The following FAM171B variants were observed in gnomAD, a reference collection of about 807,000 sequenced individuals.
FAM171B encodes family with sequence similarity 171 member B.
A neutral mutation model predicts 75.6 loss-of-function variants in FAM171B; 19 were observed. The observed-to-expected ratio is 0.25, with a 90% CI of 0.18 to 0.37. FAM171B has a LOEUF of 0.37. Among genes scored for constraint, FAM171B ranks in the 10% least tolerant of loss-of-function variants. The pLI is 1.00. For synonymous variants in FAM171B, 367 were observed against 361.7 expected (o/e 1.01, Z -0.17); for missense variants, 848 against 982.4 (o/e 0.86, Z 1.83).
At chr2:186,753,900 A>G in intron 5 of FAM171B, 33 bp from the exon 6 acceptor site, 2 of 1,528,148 alleles carry the variant, frequency 1.3e-6, no homozygotes, top group Non-Finnish European at 1.8e-6. Flanking sequence ...TTAAGATATA[A>G]CTGTAACAAG....
Position 186,755,440 on chromosome 2 carries a change from C to G in FAM171B, c.1012+1391C>G, listed in dbSNP as rs527893829. On this transcript the variant is annotated intron_variant, in intron 6 of 7. Transcript: ENST00000304698. ...TATATCATCATCTTCAGTCATTTTTCAGAGATAATTCTTTTGGTTTATCAA... is the reference window on the plus strand; with the variant it reads ...TATATCATCATCTTCAGTCATTTTTGAGAGATAATTCTTTTGGTTTATCAA... Among the ~76,000 whole-genome samples, 9 of 152,242 alleles carry G rather than the reference C, an allele frequency of 5.9e-5. No homozygotes were observed. In the South Asian group the frequency reaches 1.9e-3, roughly 32 times the overall value.
chr2:186,711,604 C>T (rs1161754451), intron 1 of FAM171B, among the ~76,000 whole-genome samples: 1 of 152,150 alleles, frequency 6.6e-6, no homozygotes, highest in Non-Finnish European at 1.5e-5. Context: ...CTTCCCCTGG[C>T]CTGCTTATAT....
chr2:186,761,248 G>T lies in FAM171B; in HGVS notation c.1136+12G>T. ...CTTTGTTATTGCAGGTAAGAAAATG[G>T]CTATAAACACAGAAAACTATCAAGT... On this transcript the variant is annotated intron_variant, in intron 7 of 7. Transcript: ENST00000304698. 6.2e-7 allele frequency: 1 copy of T among 1,610,650 alleles called. No homozygotes were observed. Among genetic ancestry groups the T allele is most frequent in the East Asian group, 2.2e-5 (1 of 44,760 alleles).
intron 1 of FAM171B, among the ~76,000 whole-genome samples, chr2:186,710,430 T>C (rs1013629742): frequency 6.6e-6 from 1 of 152,250 alleles, no homozygotes; most frequent in Admixed American, 6.5e-5. Flanking sequence ...CTTTAGACCT[T>C]ATTTATTTCC....
chr2:186,724,870 G>A (rs1036598233), intron 1 of FAM171B, among the ~76,000 whole-genome samples: 5 of 152,186 alleles, frequency 3.3e-5, no homozygotes, highest in Admixed American at 6.5e-5. Context: ...CTCAGAAAAG[G>A]ACATTGAGTG....
intron 1 of FAM171B, among the ~76,000 whole-genome samples, chr2:186,730,048 G>A (rs1271699436): frequency 6.6e-6 from 1 of 152,068 alleles, no homozygotes; most frequent in Non-Finnish European, 1.5e-5. Flanking sequence ...TGCAACCTCC[G>A]CCTCTGGGTT....
chr2:186,736,567 G>GTGTGTGGGAGA (rs55683607), intron 1 of FAM171B, among the ~76,000 whole-genome samples: 25 of 104,628 alleles, frequency 2.4e-4, no homozygotes, highest in East Asian at 1.3e-3. Flanking sequence ...TGTGTGTGTG[G>GTGTGTGGGAGA]GAGAGAGAGA....
intron 1 of FAM171B, among the ~76,000 whole-genome samples, chr2:186,699,042 G>A (rs1689619186): frequency 6.6e-6 from 1 of 152,088 alleles, no homozygotes; most frequent in Admixed American, 6.6e-5. Flanking sequence ...TGGACACTTA[G>A]GTTGCTTCCA....
At chr2:186,707,299 C>G (rs1436323082) in intron 1 of FAM171B, among the ~76,000 whole-genome samples, 1 of 152,174 alleles carries the variant, frequency 6.6e-6, no homozygotes, top group Non-Finnish European at 1.5e-5. Context: ...TAGCTCTACA[C>G]TCCTCTTCAT....
At chr2:186,712,739 A>C (rs376269321) in intron 1 of FAM171B, among the ~76,000 whole-genome samples, 1 of 152,226 alleles carries the variant, frequency 6.6e-6, no homozygotes, top group East Asian at 1.9e-4. Context: ...TTTTTGGTCC[A>C]TGATGATAAT....
At chr2:186,758,543 A>G (rs1012595170) in intron 6 of FAM171B, among the ~76,000 whole-genome samples, 3 of 152,134 alleles carry the variant, frequency 2.0e-5, no homozygotes, top group Admixed American at 2.0e-4. Context: ...CCCTGAATAC[A>G]TATTAGAATG....
At chr2:186,741,588 A>G (rs1216383299) in intron 2 of FAM171B, among the ~76,000 whole-genome samples, 1 of 152,190 alleles carries the variant, frequency 6.6e-6, no homozygotes, top group African/African-American at 2.4e-5. Context: ...ACATGCTTTA[A>G]TAATCTAAGA....
chr2:186,750,966 AT>A (rs1354048588), intron 4 of FAM171B, among the ~76,000 whole-genome samples, 167 bp from the exon 5 acceptor site: 5 of 152,150 alleles, frequency 3.3e-5, no homozygotes, highest in Admixed American at 3.3e-4. Context: ...TTTAGACAAT[AT>A]TTTAAAATTA....
Position 186,764,316 on chromosome 2 carries a change from C to A in FAM171B, c.*1493C>A, listed in dbSNP as rs1397864268. Reference sequence around the variant, plus strand: ...TTCAGTAAAATTATAGCTAGATGTGCAATTTTTTCCTCCAACTTCTAACGT... The same window carrying A: ...TTCAGTAAAATTATAGCTAGATGTGAAATTTTTTCCTCCAACTTCTAACGT... On this transcript the variant is annotated 3_prime_UTR_variant, in exon 8 of 8. Transcript: ENST00000304698. The A allele has an allele frequency of 2.6e-5, 4 of 151,926 alleles. No individual in the cohort carries two copies. Among genetic ancestry groups the A allele is most frequent in the African/African-American group, 2.4e-5 (1 of 41,398 alleles). 9.4% of individuals were successfully genotyped at this position (151,926 alleles called of 1,614,324 possible). A position where few individuals can be genotyped will look rare whatever the true frequency, so the allele number is the denominator to read the frequency against.
intron 1 of FAM171B, among the ~76,000 whole-genome samples, chr2:186,737,843 G>C (rs567188242): frequency 1.3e-5 from 2 of 152,356 alleles, no homozygotes; most frequent in East Asian, 3.9e-4. Context: ...TAACTTGAAA[G>C]TGTTACAAGA....
chr2:186,730,176 G>T (rs920046659), intron 1 of FAM171B, among the ~76,000 whole-genome samples: 1 of 152,140 alleles, frequency 6.6e-6, no homozygotes, highest in African/African-American at 2.4e-5. Context: ...GGCCAGGATG[G>T]TCTCAATCTC....
intron 1 of FAM171B, among the ~76,000 whole-genome samples, chr2:186,724,322 A>G (rs1689999676): frequency 6.6e-6 from 1 of 152,004 alleles, no homozygotes; most frequent in African/African-American, 2.4e-5. Context: ...TATACACACG[A>G]TTTATGCTGG....
intron 1 of FAM171B, among the ~76,000 whole-genome samples, chr2:186,706,671 C>T (rs1487673498): frequency 1.3e-5 from 2 of 152,142 alleles, no homozygotes; most frequent in Admixed American, 6.5e-5. Context: ...CCTGACAAAT[C>T]CCAGTCCTGT....
chr2:186,704,415 G>A (rs1041840148), intron 1 of FAM171B, among the ~76,000 whole-genome samples: 1 of 152,000 alleles, frequency 6.6e-6, no homozygotes, highest in African/African-American at 2.4e-5. Flanking sequence ...GGAATCATAG[G>A]CTCTTAGAAC....
Sources: gnomAD v4.1 joint callset for allele counts (sites outside exome capture counted in the v4.1 genomes callset) on GRCh38, gnomAD v4.1.1 for gene constraint, MANE v1.5 for transcripts, NCBI Gene and HGNC (gene_info 2026-07-23, HGNC 2026-07-21) for gene names.